Variants in FOXO3 observed in about 807,000 individuals in gnomAD.
The protein encoded by FOXO3 is forkhead box O3, also known as forkhead box protein O3.
Under a neutral mutation model 41.9 loss-of-function variants are expected in FOXO3, and 4 were observed. The observed-to-expected ratio is 0.10, with a 90% CI of 0.05 to 0.22. The LOEUF is 0.22. Among genes scored for constraint, FOXO3 ranks in the 10% least tolerant of loss-of-function variants. The probability of loss-of-function intolerance (pLI) is 1.00; values close to 1 mark genes in which losing one functional copy is unlikely to be tolerated. For missense variants in FOXO3, 534 were observed against 906.8 expected, an observed-to-expected ratio of 0.59 and a Z score of 5.28; for synonymous variants, 318 against 389.3, an observed-to-expected ratio of 0.82 and a Z score of 2.16.
At chr6:108,582,275 G>C (rs756113573) in intron 1 of FOXO3, among the ~76,000 whole-genome samples, 2 of 152,174 alleles carry the variant, frequency 1.3e-5, no homozygotes, top group Non-Finnish European at 2.9e-5. Context: ...CTAGGTGTGG[G>C]AAGCAGGCCC....
upstream of FOXO3, chr6:108,559,913 G>A (rs1405010873): frequency 6.6e-6 from 1 of 152,190 alleles, no homozygotes; most frequent in East Asian, 1.9e-4. Flanking sequence ...GACGGCCCGA[G>A]CGCTTCTCCT....
rs1168813696 is a variant in FOXO3 at position 108,664,904 on chromosome 6, C to G, written c.*34+15C>G. The G allele has an allele frequency of 6.3e-7, 1 of 1,580,704 alleles. No homozygotes were observed. Among genetic ancestry groups the G allele is most frequent in the African/African-American group, 1.4e-5 (1 of 73,842 alleles). ...GGGCAAAGCAGGTCAGTGCCGAATG[C>G]TATGGCATAAAAATAACAATATGGG... On this transcript the variant is annotated intron_variant, in intron 2 of 2. Transcript: ENST00000406360.
chr6:108,644,926 A>G (rs1360773279), intron 1 of FOXO3, among the ~76,000 whole-genome samples: 1 of 152,112 alleles, frequency 6.6e-6, no homozygotes, highest in African/African-American at 2.4e-5. Context: ...CTCACTCCAC[A>G]AAATTATAAA....
At position 108,658,307 on chromosome 6, in the gene FOXO3, T is replaced by C. The variant is rs1299047382; in HGVS notation, c.622-5148T>C. Among the ~76,000 whole-genome samples, 9 of 152,206 alleles carry C rather than the reference T, an allele frequency of 5.9e-5. No individual in the cohort carries two copies. In the South Asian group the frequency reaches 6.2e-4, roughly 11 times the overall value. ...CTGTATGAATAGAAGGCTGCTGAGATTGGGGACTGTGAGAATGATGGTGGC... is the reference window on the plus strand; with the variant it reads ...CTGTATGAATAGAAGGCTGCTGAGACTGGGGACTGTGAGAATGATGGTGGC... On this transcript the variant is annotated intron_variant, in intron 1 of 2. Coordinates refer to ENST00000406360, the MANE Select transcript of FOXO3 (RefSeq NM_001455.4).
intron 1 of FOXO3, among the ~76,000 whole-genome samples, chr6:108,644,483 C>T (rs1340255821): frequency 2.6e-5 from 4 of 152,092 alleles, no homozygotes; most frequent in Non-Finnish European, 4.4e-5. Flanking sequence ...CTCTGTTCTC[C>T]TCTCTTTCTG....
Position 108,664,438 on chromosome 6 carries a change from C to T in FOXO3, c.1605C>T (p.His535=). 6.2e-7 allele frequency: 1 copy of T among 1,613,574 alleles called. No individual in the cohort carries two copies. Residue 535 remains histidine, a synonymous_variant, in exon 2 of 3, where the codon CAC becomes CAT. Coordinates refer to ENST00000406360, the MANE Select transcript of FOXO3 (RefSeq NM_001455.4). ...GTTTGGTCAATCAGAACTTGCTCCA[C>T]CACCAGCACCAAACCCAGGGCGCTC... is the stretch of plus-strand genomic sequence containing the variant. ...QGSLVNQNLL[H]HQHQTQGALG... is the part of the protein sequence containing the mutation.
intron 2 of FOXO3, among the ~76,000 whole-genome samples, chr6:108,671,338 G>C (rs931454300): frequency 1.3e-5 from 2 of 152,220 alleles, no homozygotes; most frequent in Admixed American, 6.5e-5. Flanking sequence ...GCCCACTTCA[G>C]CACACTGTCC....
intron 2 of FOXO3, among the ~76,000 whole-genome samples, chr6:108,666,221 C>T (rs1779054210): frequency 6.6e-6 from 1 of 152,098 alleles, no homozygotes; most frequent in African/African-American, 2.4e-5. Flanking sequence ...CTGCAGTAGG[C>T]TGAAATATGT....
chr6:108,561,394 C>T lies in FOXO3; in HGVS notation c.186C>T (p.Asp62=), dbSNP rs1206094974. ...ACTCCATGATCCCCGAGGAGGAGGACGATGAAGACGACGAGGACGGCGGGG... is the reference window on the plus strand; with the variant it reads ...ACTCCATGATCCCCGAGGAGGAGGATGATGAAGACGACGAGGACGGCGGGG... ...AADSMIPEEE[D]DEDDEDGGGR... Residue 62 remains aspartate (D), a synonymous_variant, in exon 1 of 3, where the codon GAC becomes GAT. Coordinates refer to ENST00000406360, the MANE Select transcript of FOXO3 (RefSeq NM_001455.4). 1.3e-6 allele frequency: 2 copies of T among 1,548,598 alleles called. No homozygotes were observed. The highest frequency in any genetic ancestry group is 1.4e-5 in the African/African-American group (1 of 72,982).
intron 2 of FOXO3, among the ~76,000 whole-genome samples, chr6:108,677,383 A>AAG (rs1225920075): frequency 8.5e-5 from 13 of 152,234 alleles, no homozygotes; most frequent in African/African-American, 3.1e-4. Context: ...GTTCTGCTCA[A>AAG]AATTGTGCTC....
intron 1 of FOXO3, among the ~76,000 whole-genome samples, chr6:108,573,122 T>C (rs1204254052): frequency 6.6e-6 from 1 of 151,940 alleles, no homozygotes; most frequent in African/African-American, 2.4e-5. Flanking sequence ...CCATCTCTAC[T>C]AAAAATACAA....
intron 1 of FOXO3, among the ~76,000 whole-genome samples, chr6:108,602,060 A>G (rs1368845166): frequency 6.6e-6 from 1 of 152,218 alleles, no homozygotes; most frequent in African/African-American, 2.4e-5. Flanking sequence ...TGAAATAAAT[A>G]TTTCATTAAT....
intron 1 of FOXO3, among the ~76,000 whole-genome samples, chr6:108,571,637 TGCCAGGAGCC>T (rs1776100959): frequency 1.3e-5 from 2 of 152,152 alleles, no homozygotes; most frequent in Non-Finnish European, 2.9e-5. Context: ...CACCAAGGAT[TGCCAGGAGCC>T]GCCAGAAGCT....
At chr6:108,570,227 C>G (rs187696743) in intron 1 of FOXO3, among the ~76,000 whole-genome samples, 4 of 152,184 alleles carry the variant, frequency 2.6e-5, no homozygotes, top group African/African-American at 7.2e-5. Context: ...TCTTGATCTG[C>G]TGACCTCATG....
chr6:108,566,117 T>C (rs969947275), intron 1 of FOXO3, among the ~76,000 whole-genome samples: 11 of 152,316 alleles, frequency 7.2e-5, no homozygotes, highest in African/African-American at 2.4e-4. Context: ...CTGTTTTTCC[T>C]CTTTTTCAAA....
chr6:108,640,356 C>T (rs1037074137), intron 1 of FOXO3, among the ~76,000 whole-genome samples: 3 of 152,210 alleles, frequency 2.0e-5, no homozygotes, highest in African/African-American at 7.2e-5. Context: ...CCCACACCCA[C>T]TCATTAGCCA....
intron 1 of FOXO3, among the ~76,000 whole-genome samples, chr6:108,599,630 C>G (rs1776987448): frequency 6.6e-6 from 1 of 152,106 alleles, no homozygotes; most frequent in African/African-American, 2.4e-5. Flanking sequence ...TGCAAATGAT[C>G]TCATTTTCTA....
intron 1 of FOXO3, among the ~76,000 whole-genome samples, chr6:108,583,328 G>C (rs1171983239): frequency 6.6e-6 from 1 of 152,210 alleles, no homozygotes; most frequent in Non-Finnish European, 1.5e-5. Context: ...TTTGAACCTT[G>C]AAGAAGGATT....
At chr6:108,650,492 G>A (rs146277687) in intron 1 of FOXO3, among the ~76,000 whole-genome samples, 1 of 152,184 alleles carries the variant, frequency 6.6e-6, no homozygotes, top group African/African-American at 2.4e-5. Context: ...CCCTTTGGGT[G>A]ATAGATATTA....
Sources: gnomAD v4.1 joint callset for allele counts (sites outside exome capture counted in the v4.1 genomes callset) on GRCh38, gnomAD v4.1.1 for gene constraint, MANE v1.5 for transcripts, NCBI Gene and HGNC (gene_info 2026-07-23, HGNC 2026-07-21) for gene names.